FANCL: variants seen among roughly 807,000 people sequenced by gnomAD.
The protein encoded by FANCL is E3 ubiquitin-protein ligase FANCL.
A neutral mutation model predicts 59.4 loss-of-function variants in FANCL; 69 were observed. The ratio of observed to expected loss-of-function variants is 1.16; its 90% CI spans 0.96 to 1.42. FANCL has a LOEUF of 1.42. Ranked by LOEUF, FANCL falls within the 40% of genes most tolerant of loss-of-function variation. FANCL has a pLI of 0.00. For missense variants in FANCL, 519 were observed against 447.2 expected (o/e 1.16, Z -1.45); for synonymous variants, 180 against 147.1 (o/e 1.22, Z -1.62).
At chr2:58,214,648 C>T (rs144369127) in intron 5 of FANCL, among the ~76,000 whole-genome samples, 5 of 151,918 alleles carry the variant, frequency 3.3e-5, no homozygotes, top group Admixed American at 6.6e-5. Context: ...AAGCTAGGTG[C>T]GTACCACCAC....
chr2:58,161,745 AATG>A, intron 11 of FANCL, 107 bp from the exon 12 acceptor site: 1 of 725,724 alleles, frequency 1.4e-6, no homozygotes, highest in South Asian at 1.5e-5. Context: ...TACAGTGTTT[AATG>A]ATGACATCAG....
chr2:58,179,681 A>G (rs769300042), intron 7 of FANCL, among the ~76,000 whole-genome samples: 1 of 152,196 alleles, frequency 6.6e-6, no homozygotes, highest in Non-Finnish European at 1.5e-5. Context: ...ATGGGCAAAG[A>G]CTTCATGACT....
At chr2:58,195,963 G>A (rs1689384058) in intron 7 of FANCL, among the ~76,000 whole-genome samples, 1 of 152,098 alleles carries the variant, frequency 6.6e-6, no homozygotes, top group South Asian at 2.1e-4. Flanking sequence ...ATGGAAGGAT[G>A]TTCACTGCAG....
chr2:58,205,182 T>C (rs544102746), intron 5 of FANCL, among the ~76,000 whole-genome samples: 104 of 152,152 alleles, frequency 6.8e-4, no homozygotes, highest in African/African-American at 2.4e-3. Context: ...AATATCACTA[T>C]ATGCCATTTA....
intron 7 of FANCL, among the ~76,000 whole-genome samples, chr2:58,178,775 GGA>G (rs2104940101): frequency 6.6e-6 from 1 of 152,110 alleles, no homozygotes; most frequent in Admixed American, 6.6e-5. Context: ...TCAAATAGGA[GGA>G]GAGGAAGTCA....
intron 13 of FANCL, 92 bp downstream of exon 13, chr2:58,160,016 A>T: frequency 6.3e-7 from 1 of 1,576,222 alleles, no homozygotes; most frequent in Non-Finnish European, 8.6e-7. Context: ...CAAAAGTTTT[A>T]GATAAACTGA....
chr2:58,238,610 T>C (rs1278170915), intron 1 of FANCL, among the ~76,000 whole-genome samples: 1 of 152,088 alleles, frequency 6.6e-6, no homozygotes, highest in African/African-American at 2.4e-5. Context: ...AATCTGATAA[T>C]AGAGACAACA....
intron 5 of FANCL, among the ~76,000 whole-genome samples, chr2:58,219,772 CAATT>C (rs1321114726): frequency 6.6e-6 from 1 of 152,130 alleles, no homozygotes; most frequent in Non-Finnish European, 1.5e-5. Context: ...AGAACATAGT[CAATT>C]ACATAGTTCA....
At chr2:58,159,844 A>AAAAAAT (rs1472063326) in intron 13 of FANCL, 44 bp from the exon 14 acceptor site, 1 of 1,607,996 alleles carries the variant, frequency 6.2e-7, no homozygotes, top group Admixed American at 1.7e-5. Flanking sequence ...TGGACACTCT[A>AAAAAAT]AAAAATAAAA....
chr2:58,192,292 C>T (rs1385582242), intron 7 of FANCL, among the ~76,000 whole-genome samples: 1 of 151,782 alleles, frequency 6.6e-6, no homozygotes, highest in Non-Finnish European at 1.5e-5. Flanking sequence ...GAAACTATAG[C>T]GATATAATAT....
chr2:58,174,459 A>C (rs1262376369), intron 7 of FANCL, among the ~76,000 whole-genome samples: 2 of 152,224 alleles, frequency 1.3e-5, no homozygotes, highest in East Asian at 1.9e-4. Flanking sequence ...CAGTGCAATC[A>C]AACTAGAACT....
chr2:58,205,069 T>A (rs1320689514), intron 5 of FANCL, among the ~76,000 whole-genome samples: 1 of 152,052 alleles, frequency 6.6e-6, no homozygotes, highest in Non-Finnish European at 1.5e-5. Context: ...CTTATAAAGA[T>A]AAAAAGTAGT....
In FANCL at chr2:58,163,614, T is replaced by C. The variant is rs1301342763; in HGVS notation, c.692-97A>G. On this transcript the variant is annotated intron_variant, in intron 8 of 13. Transcript: ENST00000233741. ...GTGTTGGTCTGGCTACCTATTTCAC[T>C]GTATACCCACGGAAAGATTAACCAA... 8 of 748,344 alleles carry C rather than the reference T, an allele frequency of 1.1e-5. 1 individual carries two copies. Among genetic ancestry groups the C allele is most frequent in the East Asian group, 5.4e-5 (2 of 37,282 alleles). The allele number at this position is 748,344 out of a possible 1,614,324, so 46.4% of individuals were successfully genotyped here.
intron 5 of FANCL, among the ~76,000 whole-genome samples, chr2:58,216,882 T>C (rs1436734044): frequency 6.6e-6 from 1 of 151,778 alleles, no homozygotes; most frequent in African/African-American, 2.4e-5. Context: ...AGAGGCTCGC[T>C]TCTCTACCAT....
intron 9 of FANCL, 159 bp downstream of exon 9, chr2:58,163,275 C>T (rs559060988): frequency 2.3e-4 from 169 of 724,506 alleles, no homozygotes; most frequent in East Asian, 1.9e-4. Flanking sequence ...GAACCGAGAT[C>T]GCGCCATTAC....
chr2:58,196,190 T>C (rs187152244), intron 7 of FANCL, among the ~76,000 whole-genome samples: 9 of 152,268 alleles, frequency 5.9e-5, no homozygotes, highest in African/African-American at 1.9e-4. Context: ...ATGGCCTATA[T>C]ACCAATTTTG....
chr2:58,240,729 G>A (rs1159667851), intron 1 of FANCL, among the ~76,000 whole-genome samples: 1 of 152,172 alleles, frequency 6.6e-6, no homozygotes, highest in Non-Finnish European at 1.5e-5. Flanking sequence ...TATTGTAACT[G>A]TGGGTGTACA....
At chr2:58,193,260 T>C (rs1325295484) in intron 7 of FANCL, among the ~76,000 whole-genome samples, 1 of 150,322 alleles carries the variant, frequency 6.7e-6, no homozygotes, top group Non-Finnish European at 1.5e-5. Context: ...AAATGAAACT[T>C]TGTTAAGTGA....
chr2:58,224,304 T>C (rs995860159), intron 4 of FANCL, among the ~76,000 whole-genome samples: 2 of 151,872 alleles, frequency 1.3e-5, no homozygotes, highest in African/African-American at 4.8e-5. Flanking sequence ...AAAATAAATG[T>C]TGCAAACTTT....
Sources: allele counts gnomAD v4.1 joint callset (sites outside exome capture counted in the v4.1 genomes callset), GRCh38; gene constraint gnomAD v4.1.1; transcripts MANE v1.5; gene names NCBI Gene and HGNC (gene_info 2026-07-23, HGNC 2026-07-21).